DMD: variants seen among roughly 807,000 people sequenced by gnomAD.
DMD encodes dystrophin.
In DMD, 63 loss-of-function variants were observed where a neutral mutation model predicts 330.1. That is an observed-to-expected ratio of 0.19 (90% CI 0.16 to 0.24). DMD has a LOEUF of 0.24. Ranked by LOEUF, DMD falls within the 10% of genes least tolerant of loss-of-function variation. DMD has a pLI of 1.00. For synonymous variants in DMD, 1,223 were observed against 959.8 expected, an observed-to-expected ratio of 1.27 and a Z score of -5.07; for missense variants, 3,344 against 2,684.1, an observed-to-expected ratio of 1.25 and a Z score of -5.43.
At position 32,243,598 on chromosome X, in the gene DMD, G is replaced by A. The variant is rs138269091; in HGVS notation, c.6291-26535C>T. ...ATTCCATTATACAGGTAACAAACCC[G>A]TAGATAATAGTGAAATATAATAAAA... On this transcript the variant is annotated intron_variant, in intron 43 of 78. Transcript: ENST00000357033. Among the ~76,000 whole-genome samples, 93 of 111,650 alleles carry A rather than the reference G, an allele frequency of 8.3e-4. 1 individual carries two copies. The East Asian group carries it at 0.02, about 25-fold the overall frequency.
intron 1 of DMD, among the ~76,000 whole-genome samples, chrX:33,227,077 TTAAA>T (rs1438664602): frequency 2.7e-5 from 3 of 110,354 alleles, no homozygotes; most frequent in Non-Finnish European, 5.7e-5. Flanking sequence ...TGGGTATCGT[TTAAA>T]TAAAATATTT....
intron 51 of DMD, among the ~76,000 whole-genome samples, chrX:31,750,658 G>A (rs1375484712): frequency 9.1e-6 from 1 of 110,295 alleles, no homozygotes; most frequent in Admixed American, 9.8e-5. Context: ...CAATCAGGCA[G>A]GAGAAGGAAA....
intron 62 of DMD, among the ~76,000 whole-genome samples, chrX:31,299,248 C>T (rs2054442383): frequency 8.9e-6 from 1 of 111,851 alleles, no homozygotes; most frequent in African/African-American, 3.2e-5. Flanking sequence ...AAATTAATTA[C>T]TACGGATGAG....
intron 68 of DMD, among the ~76,000 whole-genome samples, 182 bp downstream of exon 68, chrX:31,182,556 C>T (rs1188662645): frequency 9.0e-6 from 1 of 111,273 alleles, no homozygotes; most frequent in Non-Finnish European, 1.9e-5. Context: ...GTGAGATCCA[C>T]CAAAATAACC....
chrX:31,804,109 A>G (rs2149360713), intron 50 of DMD, among the ~76,000 whole-genome samples: 1 of 111,128 alleles, frequency 9.0e-6, no homozygotes, highest in South Asian at 3.9e-4. Context: ...TGGCATCCAT[A>G]TTTTTAGCCT....
At chrX:31,859,625 T>C (rs2093667673) in intron 48 of DMD, among the ~76,000 whole-genome samples, 1 of 112,213 alleles carries the variant, frequency 8.9e-6, no homozygotes, top group Non-Finnish European at 1.9e-5. Flanking sequence ...CTCCCAGATT[T>C]TAATTCATTT....
intron 62 of DMD, among the ~76,000 whole-genome samples, chrX:31,314,742 C>CAGAGAGAGAG (rs199994602): frequency 9.0e-4 from 50 of 55,280 alleles, no homozygotes; most frequent in African/African-American, 2.6e-3. Flanking sequence ...AATACATACA[C>CAGAGAGAGAG]AGAGAGAGAG....
intron 29 of DMD, among the ~76,000 whole-genome samples, chrX:32,416,819 C>A (rs2098167854): frequency 8.9e-6 from 1 of 111,844 alleles, no homozygotes; most frequent in Non-Finnish European, 1.9e-5. Context: ...CCACGCTTCA[C>A]TTCACAGAGT....
intron 30 of DMD, among the ~76,000 whole-genome samples, chrX:32,408,917 C>A (rs746585682): frequency 9.6e-6 from 1 of 104,360 alleles, no homozygotes; most frequent in Middle Eastern, 4.8e-3. Flanking sequence ...TCTATCCATC[C>A]ATCAATCCAT....
chrX:32,704,172 T>A (rs1279383983), intron 7 of DMD, among the ~76,000 whole-genome samples: 1 of 111,097 alleles, frequency 9.0e-6, no homozygotes, highest in Admixed American at 9.6e-5. Context: ...CATGGCGGTC[T>A]GAAGGCAAAT....
At chrX:32,931,237 C>T (rs1044186206) in intron 2 of DMD, among the ~76,000 whole-genome samples, 1 of 110,157 alleles carries the variant, frequency 9.1e-6, no homozygotes, top group African/African-American at 3.3e-5. Context: ...AAATATGATT[C>T]ATTAAGAGTG....
In DMD at chrX:31,304,603, T is replaced by TTATA. The variant is rs201982524; in HGVS notation, c.9224+18991_9224+18994dup. On this transcript the variant is annotated intron_variant, in intron 62 of 78. Transcript: ENST00000357033. Reference sequence around the variant, plus strand: ...TTAGTTCCTTTATTTTGTGAGCATTTTATATATATATATATATAATATAAA... The same window carrying TTATA: ...TTAGTTCCTTTATTTTGTGAGCATTTTATATATATATATATATATATAATATAAA... 6.8e-4 allele frequency among the ~76,000 whole-genome samples: 71 copies of TTATA among 104,606 alleles called. 2 individuals carry two copies. In the South Asian group the frequency reaches 0.019, roughly 28 times the overall value. The allele number at this position is 104,606 out of a possible 115,157, so 90.8% of individuals were successfully genotyped here.
At chrX:32,986,217 T>G (rs926873211) in intron 2 of DMD, among the ~76,000 whole-genome samples, 46 of 111,748 alleles carry the variant, frequency 4.1e-4, no homozygotes, top group African/African-American at 1.4e-3. Flanking sequence ...TTAGTTAAAC[T>G]TGTATTATTT....
intron 2 of DMD, among the ~76,000 whole-genome samples, chrX:33,012,480 G>A (rs2093720100): frequency 8.9e-6 from 1 of 111,840 alleles, no homozygotes; most frequent in African/African-American, 3.2e-5. Flanking sequence ...TATCACTTTA[G>A]ATAACTCTAC....
intron 53 of DMD, among the ~76,000 whole-genome samples, chrX:31,672,483 T>C (rs2148696853): frequency 8.9e-6 from 1 of 112,473 alleles, no homozygotes; most frequent in South Asian, 3.6e-4. Context: ...TTCTTTTACC[T>C]GTTATTAAAA....
At chrX:31,600,510 G>GTTT (rs1177947507) in intron 55 of DMD, among the ~76,000 whole-genome samples, 38 of 50,410 alleles carry the variant, frequency 7.5e-4, no homozygotes, top group Admixed American at 2.1e-3. Context: ...GCCAACTATG[G>GTTT]TTTTTTTTTT....
At chrX:32,144,461 T>C (rs1412996616) in intron 44 of DMD, among the ~76,000 whole-genome samples, 1 of 111,641 alleles carries the variant, frequency 9.0e-6, no homozygotes, top group Non-Finnish European at 1.9e-5. Flanking sequence ...TTACTTAAAA[T>C]CTGATTGAAT....
At chrX:31,648,083 A>AT (rs2080209524) in intron 54 of DMD, among the ~76,000 whole-genome samples, 1 of 111,838 alleles carries the variant, frequency 8.9e-6, no homozygotes, top group African/African-American at 3.2e-5. Flanking sequence ...ATGTGGTAAG[A>AT]TTTTTTTAAA....
intron 74 of DMD, among the ~76,000 whole-genome samples, chrX:31,152,281 A>C (rs2037523374): frequency 9.4e-6 from 1 of 106,705 alleles, no homozygotes; most frequent in Non-Finnish European, 1.9e-5. Context: ...CTCCTGCCTC[A>C]GCCTCCTGAG....
Sources: allele counts gnomAD v4.1 joint callset (sites outside exome capture counted in the v4.1 genomes callset), GRCh38; gene constraint gnomAD v4.1.1; transcripts MANE v1.5; gene names NCBI Gene and HGNC (gene_info 2026-07-23, HGNC 2026-07-21).